Variants in SGCD observed in about 807,000 individuals in gnomAD.
SGCD encodes delta-sarcoglycan.
Under a neutral mutation model 36.6 loss-of-function variants are expected in SGCD, and 18 were observed. The observed-to-expected ratio is 0.49, with a 90% CI of 0.34 to 0.73. The LOEUF is 0.73. Ranked by LOEUF, SGCD falls within the 30% of genes least tolerant of loss-of-function variation. The pLI is 0.01. For missense variants in SGCD, 387 were observed against 346.7 expected, an observed-to-expected ratio of 1.12 and a Z score of -0.92; for synonymous variants, 133 against 130.6, an observed-to-expected ratio of 1.02 and a Z score of -0.12.
Position 156,050,367 on chromosome 5 carries a change from A to G in SGCD, c.-281-67511A>G, listed in dbSNP as rs139255987. 1.0e-4 allele frequency among the ~76,000 whole-genome samples: 15 copies of G among 146,894 alleles called. 1 individual carries two copies. Among genetic ancestry groups the G allele is most frequent in the African/African-American group, 3.7e-4 (15 of 40,890 alleles). On this transcript the variant is annotated intron_variant, in intron 1 of 9. Coordinates refer to the SGCD transcript ENST00000517913. ...ACGCTAGTTAGTGTTTTTTACTAAT[A>G]AAGTATTCTTTAAATTATAAAGGGT...
At chr5:156,557,976 CTA>C (rs1323686451) in intron 4 of SGCD, among the ~76,000 whole-genome samples, 2 of 151,098 alleles carry the variant, frequency 1.3e-5, no homozygotes, top group Non-Finnish European at 3.0e-5. Context: ...TGAGGAAGGA[CTA>C]TGTCTTTTTT....
the SGCD span, among the ~76,000 whole-genome samples, chr5:155,733,217 C>T: frequency 6.6e-6 from 1 of 151,876 alleles, no homozygotes; most frequent in Admixed American, 6.6e-5. Context: ...TAAGAAACAC[C>T]CCTTTCCTCC....
chr5:156,285,674 C>A (rs1349977264), intron 3 of SGCD, among the ~76,000 whole-genome samples: 2 of 152,128 alleles, frequency 1.3e-5, no homozygotes, highest in Non-Finnish European at 2.9e-5. Flanking sequence ...AAAATTAATT[C>A]AAGATGGATT....
the SGCD span, among the ~76,000 whole-genome samples, chr5:155,800,850 A>AT: frequency 1.3e-5 from 2 of 151,152 alleles, no homozygotes; most frequent in African/African-American, 2.4e-5. Flanking sequence ...TGATTTCCAT[A>AT]TTTTTTTCTT....
intron 4 of SGCD, among the ~76,000 whole-genome samples, chr5:156,523,884 G>A (rs372007389): frequency 1.2e-3 from 183 of 151,388 alleles, no homozygotes; most frequent in Middle Eastern, 6.8e-3. Flanking sequence ...TGTTATGAAT[G>A]TACAATACGT....
intron 3 of SGCD, among the ~76,000 whole-genome samples, chr5:156,186,561 T>G (rs1312336579): frequency 2.0e-5 from 3 of 152,224 alleles, no homozygotes; most frequent in African/African-American, 7.2e-5. Flanking sequence ...TAGGTGATTG[T>G]ATTGCTCCTG....
exon 3 of SGCD, chr5:156,123,868 C>T (rs1762108546): frequency 6.6e-6 from 1 of 152,062 alleles, no homozygotes; most frequent in South Asian, 2.1e-4. Context: ...TTGGAAGAAA[C>T]CTCCATCCTC....
chr5:156,436,173 C>T lies in SGCD; in HGVS notation c.193-72428C>T, dbSNP rs1580990092. Among the ~76,000 whole-genome samples, 6 of 152,218 alleles carry T rather than the reference C, an allele frequency of 3.9e-5. 1 individual carries two copies. The highest frequency in any genetic ancestry group is 3.9e-4 in the Admixed American group (6 of 15,282). ...CAGCAAAACTGCCTGGATTCTTTGT[C>T]AAAAATTTGAATTGATTTTATGTGA... On this transcript the variant is annotated intron_variant, in intron 3 of 8. Transcript: ENST00000337851.
At position 156,136,810 on chromosome 5, in the gene SGCD, T is replaced by C. The variant is rs1433789021; in HGVS notation, c.-44+12791T>C. 2.0e-5 allele frequency among the ~76,000 whole-genome samples: 3 copies of C among 152,292 alleles called. No individual in the cohort carries two copies. In the South Asian group the frequency reaches 6.2e-4, roughly 32 times the overall value. On this transcript the variant is annotated intron_variant, in intron 3 of 9. Coordinates refer to the SGCD transcript ENST00000517913. ...AAGCAAAAGTTACTACCTTCTTCTG[T>C]ACAGTTAATGGTTAAACCCCAAGTG...
chr5:155,988,950 G>GGT (rs1270953611), intron 1 of SGCD, among the ~76,000 whole-genome samples: 2 of 152,170 alleles, frequency 1.3e-5, no homozygotes, highest in African/African-American at 4.8e-5. Flanking sequence ...AACTGTGAAA[G>GGT]GTGGAACCAG....
intron 1 of SGCD, among the ~76,000 whole-genome samples, chr5:156,020,734 C>T (rs181446523): frequency 2.6e-5 from 4 of 152,282 alleles, no homozygotes; most frequent in African/African-American, 7.2e-5. Flanking sequence ...CCATCATCAT[C>T]GCTAGTGTGT....
At chr5:156,269,557 G>C (rs1283459455) in intron 3 of SGCD, among the ~76,000 whole-genome samples, 2 of 143,556 alleles carry the variant, frequency 1.4e-5, no homozygotes, top group African/African-American at 5.2e-5. Context: ...GATAGCATGG[G>C]AAAGGCTGGC....
the SGCD span, among the ~76,000 whole-genome samples, chr5:155,843,516 C>T: frequency 1.3e-5 from 2 of 152,156 alleles, no homozygotes; most frequent in Non-Finnish European, 2.9e-5. Context: ...AGTAGGTCAG[C>T]AGGCTGAATT....
chr5:155,786,276 C>A, the SGCD span, among the ~76,000 whole-genome samples: 1 of 152,232 alleles, frequency 6.6e-6, no homozygotes, highest in East Asian at 1.9e-4. Flanking sequence ...ATGGCTAGAG[C>A]CAGATGCTTT....
chr5:156,052,063 G>A (rs889213964), intron 1 of SGCD, among the ~76,000 whole-genome samples: 4 of 146,120 alleles, frequency 2.7e-5, no homozygotes, highest in East Asian at 3.9e-4. Context: ...GGGTGAAAAA[G>A]GGAAAAAAGG....
At chr5:156,565,892 C>A (rs1437402750) in intron 4 of SGCD, among the ~76,000 whole-genome samples, 3 of 152,168 alleles carry the variant, frequency 2.0e-5, no homozygotes, top group Non-Finnish European at 4.4e-5. Context: ...TTTTTTATGG[C>A]TGCCTTGTAT....
chr5:156,345,420 A>T (rs186256213), intron 3 of SGCD, among the ~76,000 whole-genome samples: 2 of 152,364 alleles, frequency 1.3e-5, no homozygotes, highest in Admixed American at 1.3e-4. Context: ...TATACTAGTA[A>T]TGTAAGTAGT....
chr5:156,247,931 G>A (rs1765479274), intron 3 of SGCD, among the ~76,000 whole-genome samples: 1 of 152,192 alleles, frequency 6.6e-6, no homozygotes, highest in African/African-American at 2.4e-5. Flanking sequence ...TAATGAAACT[G>A]TAATTATAAA....
At chr5:156,082,273 G>A (rs1478862612) in intron 1 of SGCD, among the ~76,000 whole-genome samples, 1 of 149,480 alleles carries the variant, frequency 6.7e-6, no homozygotes, top group Non-Finnish European at 1.5e-5. Flanking sequence ...TGGTGGGCGG[G>A]GGGGTCCAGG....
Sources: gnomAD v4.1 joint callset for allele counts (sites outside exome capture counted in the v4.1 genomes callset) on GRCh38, gnomAD v4.1.1 for gene constraint, MANE v1.5 for transcripts, NCBI Gene and HGNC (gene_info 2026-07-23, HGNC 2026-07-21) for gene names.